Variants in SGCZ observed in about 807,000 individuals in gnomAD.
SGCZ encodes zeta-sarcoglycan.
A neutral mutation model predicts 41.3 loss-of-function variants in SGCZ; 40 were observed. That is an observed-to-expected ratio of 0.97 (90% CI 0.75 to 1.26). The LOEUF (loss-of-function observed/expected upper bound fraction) is 1.26. Ranked by LOEUF, SGCZ falls within the 50% of genes most tolerant of loss-of-function variation. The probability of loss-of-function intolerance (pLI) is 0.00; values close to 1 mark genes in which losing one functional copy is unlikely to be tolerated. For synonymous variants in SGCZ, 206 were observed against 137.5 expected (o/e 1.50, Z -3.49); for missense variants, 552 against 369.8 (o/e 1.49, Z -4.04).
intron 1 of SGCZ, among the ~76,000 whole-genome samples, chr8:14,929,723 G>A (rs1799871870): frequency 6.6e-6 from 1 of 152,006 alleles, no homozygotes; most frequent in African/African-American, 2.4e-5. Context: ...GCTGACAGCA[G>A]TGGTATGAAT....
intron 1 of SGCZ, among the ~76,000 whole-genome samples, chr8:15,032,595 A>G (rs1803715487): frequency 6.6e-6 from 1 of 152,066 alleles, no homozygotes; most frequent in Admixed American, 6.5e-5. Context: ...AGTCTCTGGG[A>G]CACCCCAGCA....
At chr8:14,757,752 A>C (rs2251590) in intron 1 of SGCZ, among the ~76,000 whole-genome samples, 7,665 of 152,280 alleles carry the variant, frequency 0.05, 388 homozygotes, top group African/African-American at 0.12. Context: ...TTGTTAATAA[A>C]CCTTAAGCTT....
intron 1 of SGCZ, among the ~76,000 whole-genome samples, chr8:14,788,928 T>C (rs1800860932): frequency 6.6e-6 from 1 of 152,122 alleles, no homozygotes; most frequent in Non-Finnish European, 1.5e-5. Context: ...CTGGGCAATA[T>C]AGCTAGACTC....
intron 2 of SGCZ, among the ~76,000 whole-genome samples, chr8:14,487,403 A>G (rs1801704944): frequency 6.6e-6 from 1 of 152,230 alleles, no homozygotes; most frequent in Non-Finnish European, 1.5e-5. Context: ...ATGGCAAAGT[A>G]TAGCACTTTA....
Position 15,181,849 on chromosome 8 carries a change from A to C in SGCZ, c.39+55736T>G, listed in dbSNP as rs185135635. 3.5e-3 allele frequency among the ~76,000 whole-genome samples: 532 copies of C among 152,290 alleles called. 2 individuals carry two copies. Among genetic ancestry groups the C allele is most frequent in the African/African-American group, 0.012 (505 of 41,564 alleles). ...TGTTATATTTAGATTTAGAGGAAAA[A>C]ATAACATGAGATTATTTGGGGAGGT... is the stretch of plus-strand genomic sequence containing the variant. On this transcript the variant is annotated intron_variant, in intron 1 of 7. Coordinates refer to ENST00000382080, the MANE Select transcript of SGCZ (RefSeq NM_139167.4).
chr8:14,449,413 T>G (rs547598197), intron 2 of SGCZ, among the ~76,000 whole-genome samples: 2 of 152,274 alleles, frequency 1.3e-5, no homozygotes, highest in Middle Eastern at 6.8e-3. Flanking sequence ...GTCCCAATAT[T>G]TGACTGATTT....
At chr8:14,611,899 A>G (rs1037454207) in intron 1 of SGCZ, among the ~76,000 whole-genome samples, 2 of 152,188 alleles carry the variant, frequency 1.3e-5, no homozygotes, top group African/African-American at 4.8e-5. Flanking sequence ...ATTGCAGTAC[A>G]TATGCTATTT....
At chr8:14,479,324 A>T (rs1321508571) in intron 2 of SGCZ, among the ~76,000 whole-genome samples, 1 of 152,160 alleles carries the variant, frequency 6.6e-6, no homozygotes, top group Admixed American at 6.5e-5. Context: ...CGGGAGAAAA[A>T]TAGAGGCCCG....
intron 1 of SGCZ, among the ~76,000 whole-genome samples, chr8:14,998,869 T>C (rs546587893): frequency 1.3e-5 from 2 of 152,328 alleles, no homozygotes; most frequent in East Asian, 3.9e-4. Context: ...TCATCCTAGC[T>C]ATTGATATGG....
chr8:15,043,287 GACA>G (rs1804178023), intron 1 of SGCZ, among the ~76,000 whole-genome samples: 2 of 152,076 alleles, frequency 1.3e-5, no homozygotes, highest in Admixed American at 1.3e-4. Flanking sequence ...AAAATTCAGT[GACA>G]ACATTGGTTT....
In SGCZ at chr8:14,359,703, G is replaced by T. The variant is rs113295888; in HGVS notation, c.235-35499C>A. ...TATTGAAGCTGGAGAAACATTTAAAGAACTAATATCGATTCTACTCAAACT... is the reference window on the plus strand; with the variant it reads ...TATTGAAGCTGGAGAAACATTTAAATAACTAATATCGATTCTACTCAAACT... On this transcript the variant is annotated intron_variant, in intron 2 of 7. Transcript: ENST00000382080. Among the ~76,000 whole-genome samples the T allele has an allele frequency of 8.6e-5, 13 of 150,976 alleles. 2 individuals are homozygous for T. The highest frequency in any genetic ancestry group is 2.7e-4 in the African/African-American group (11 of 41,042).
At chr8:15,020,103 G>A (rs867590343) in intron 1 of SGCZ, among the ~76,000 whole-genome samples, 6 of 151,760 alleles carry the variant, frequency 4.0e-5, no homozygotes, top group Non-Finnish European at 5.9e-5. Flanking sequence ...TAGAAGAGAC[G>A]AGACTCCCCA....
intron 1 of SGCZ, among the ~76,000 whole-genome samples, chr8:14,700,583 C>A (rs142692563): frequency 0.02 from 2,998 of 151,808 alleles, 43 homozygotes; most frequent in South Asian, 0.085. Context: ...ATGTAACATA[C>A]CAGCACATGT....
chr8:14,549,533 G>C (rs1349300054), intron 2 of SGCZ, among the ~76,000 whole-genome samples: 1 of 152,054 alleles, frequency 6.6e-6, no homozygotes, highest in African/African-American at 2.4e-5. Flanking sequence ...AAAAAAGTCA[G>C]CGAAAAATAA....
At chr8:15,023,537 C>T (rs1285440053) in intron 1 of SGCZ, among the ~76,000 whole-genome samples, 2 of 152,176 alleles carry the variant, frequency 1.3e-5, no homozygotes, top group Non-Finnish European at 2.9e-5. Context: ...TCTCAGTCCA[C>T]TGCCAGTGTC....
rs528856758 is a variant in SGCZ, at chr8:15,025,235, G to T, written c.39+212350C>A. Among the ~76,000 whole-genome samples, 4 of 152,238 alleles carry T rather than the reference G, an allele frequency of 2.6e-5. No homozygotes were observed. The East Asian group carries it at 7.8e-4, about 30-fold the overall frequency. On this transcript the variant is annotated intron_variant, in intron 1 of 7. Coordinates refer to ENST00000382080, the MANE Select transcript of SGCZ (RefSeq NM_139167.4). ...GTGAGCTTCCCGCACACACACAACTGCAAGGTTCAATCATTCCTGCTACAA... is the reference window on the plus strand; with the variant it reads ...GTGAGCTTCCCGCACACACACAACTTCAAGGTTCAATCATTCCTGCTACAA...
At chr8:15,068,573 T>C (rs1463273250) in intron 1 of SGCZ, among the ~76,000 whole-genome samples, 1 of 152,170 alleles carries the variant, frequency 6.6e-6, no homozygotes, top group Non-Finnish European at 1.5e-5. Context: ...ATCAAACAGC[T>C]AGTAAATTTT....
chr8:15,045,079 T>C, intron 1 of SGCZ, among the ~76,000 whole-genome samples: 1 of 149,070 alleles, frequency 6.7e-6, no homozygotes, highest in East Asian at 2.1e-4. Context: ...CTTGAGCTTT[T>C]TATATTTATT....
intron 1 of SGCZ, among the ~76,000 whole-genome samples, chr8:14,823,893 G>C (rs1462049575): frequency 1.3e-5 from 2 of 152,096 alleles, no homozygotes; most frequent in Non-Finnish European, 2.9e-5. Context: ...ATATGATTCA[G>C]CTTTAAAAAG....
Sources: allele counts gnomAD v4.1 joint callset (sites outside exome capture counted in the v4.1 genomes callset), GRCh38; gene constraint gnomAD v4.1.1; transcripts MANE v1.5; gene names NCBI Gene and HGNC (gene_info 2026-07-23, HGNC 2026-07-21).